The following RANBP2 variants were observed in gnomAD, a reference collection of about 807,000 sequenced individuals.
The protein encoded by RANBP2 is E3 SUMO-protein ligase RanBP2.
In RANBP2, 57 loss-of-function variants were observed where a neutral mutation model predicts 303.6. The observed-to-expected ratio is 0.19, with a 90% CI of 0.15 to 0.23. The LOEUF is 0.23. Among genes scored for constraint, RANBP2 ranks in the 10% least tolerant of loss-of-function variants. The pLI, the probability that RANBP2 is intolerant of heterozygous loss-of-function variation, is 1.00. For synonymous variants in RANBP2, 1,167 were observed against 1,301.5 expected, an observed-to-expected ratio of 0.90 and a Z score of 2.23; for missense variants, 3,138 against 3,780.8, an observed-to-expected ratio of 0.83 and a Z score of 4.46.
chr2:108,889,793 T>C, the RANBP2 span, among the ~76,000 whole-genome samples: 1 of 152,204 alleles, frequency 6.6e-6, no homozygotes, highest in East Asian at 1.9e-4. Context: ...TTCACAGTTA[T>C]TGATATGTGA....
chr2:108,976,056 A>C, the RANBP2 span, among the ~76,000 whole-genome samples: 56 of 152,206 alleles, frequency 3.7e-4, no homozygotes, highest in Non-Finnish European at 2.4e-4. Context: ...CTGATGAACA[A>C]ATACTGGTGC....
chr2:109,171,799 G>A, the RANBP2 span, among the ~76,000 whole-genome samples: 3 of 152,358 alleles, frequency 2.0e-5, no homozygotes, highest in Non-Finnish European at 2.9e-5. Context: ...CACTTGCAGC[G>A]GGGAGTGGCT....
the RANBP2 span, among the ~76,000 whole-genome samples, chr2:109,003,444 C>G: frequency 6.6e-6 from 1 of 150,684 alleles, no homozygotes; most frequent in Non-Finnish European, 1.5e-5. Flanking sequence ...GAGTTTCTCT[C>G]TTGTTGCCCA....
the RANBP2 span, among the ~76,000 whole-genome samples, chr2:108,807,287 A>G: frequency 6.6e-6 from 1 of 152,346 alleles, no homozygotes; most frequent in Non-Finnish European, 1.5e-5. Context: ...TTTTGCCTAT[A>G]TAATAAGTCT....
the RANBP2 span, among the ~76,000 whole-genome samples, chr2:109,012,705 G>C: frequency 6.6e-6 from 1 of 152,186 alleles, no homozygotes; most frequent in Non-Finnish European, 1.5e-5. Flanking sequence ...ACGAGGTCAG[G>C]AGATCGAGAC....
At chr2:109,364,086 C>G in the RANBP2 span, among the ~76,000 whole-genome samples, 3 of 151,600 alleles carry the variant, frequency 2.0e-5, no homozygotes, top group African/African-American at 4.8e-5. Flanking sequence ...TCTAGTATTC[C>G]CATTACATAT....
the RANBP2 span, among the ~76,000 whole-genome samples, chr2:109,332,881 A>G: frequency 1.3e-5 from 2 of 152,256 alleles, no homozygotes; most frequent in Non-Finnish European, 2.9e-5. Context: ...GCCTTATAGA[A>G]TAAATGGTCA....
chr2:109,094,730 T>A, the RANBP2 span, among the ~76,000 whole-genome samples: 8 of 152,088 alleles, frequency 5.3e-5, no homozygotes, highest in Non-Finnish European at 1.2e-4. Context: ...TTCAGGAGGC[T>A]GAGGCAGGAG....
chr2:109,148,556 C>T, the RANBP2 span, among the ~76,000 whole-genome samples: 1 of 152,176 alleles, frequency 6.6e-6, no homozygotes, highest in Non-Finnish European at 1.5e-5. Flanking sequence ...TGACTGGTGC[C>T]ATTTTGATGA....
chr2:109,188,226 T>C, the RANBP2 span, among the ~76,000 whole-genome samples: 80 of 152,362 alleles, frequency 5.3e-4, 1 homozygote, highest in African/African-American at 1.8e-3. Context: ...CTTTGCCATG[T>C]AGCAGGGGTG....
chr2:108,912,614 C>T, the RANBP2 span: 1 of 1,446,178 alleles, frequency 6.9e-7, no homozygotes, highest in Non-Finnish European at 9.5e-7. Flanking sequence ...TTCCTCTCCT[C>T]TTCTGAGCTT....
At chr2:109,397,090 T>G in the RANBP2 span, among the ~76,000 whole-genome samples, 1 of 152,112 alleles carries the variant, frequency 6.6e-6, no homozygotes, top group African/African-American at 2.4e-5. Flanking sequence ...AGCCCAGTTG[T>G]GCTGCTGCAG....
At chr2:109,545,800 T>C in the RANBP2 span, 1 of 1,425,084 alleles carries the variant, frequency 7.0e-7, no homozygotes, top group Non-Finnish European at 9.1e-7. Context: ...CACTGTGATG[T>C]ATTTTTATTT....
the RANBP2 span, among the ~76,000 whole-genome samples, chr2:109,675,553 G>A: frequency 5.3e-5 from 8 of 152,046 alleles, no homozygotes; most frequent in Admixed American, 5.2e-4. Flanking sequence ...GTGGTAGCAG[G>A]CGCCTGTAAT....
the RANBP2 span, among the ~76,000 whole-genome samples, chr2:109,204,341 A>G: frequency 6.6e-6 from 1 of 152,220 alleles, no homozygotes; most frequent in Non-Finnish European, 1.5e-5. Flanking sequence ...ATCTCACCTA[A>G]GAGAGTTAGC....
At chr2:109,015,728 AGCTTGGGCGACAGAG>A in the RANBP2 span, among the ~76,000 whole-genome samples, 42 of 152,322 alleles carry the variant, frequency 2.8e-4, no homozygotes, top group East Asian at 7.7e-3. Context: ...ACTGTACTCC[AGCTTGGGCGACAGAG>A]CAAGACTCTG....
chr2:109,709,867 C>T, the RANBP2 span, among the ~76,000 whole-genome samples: 1 of 152,212 alleles, frequency 6.6e-6, no homozygotes, highest in South Asian at 2.1e-4. Flanking sequence ...GAGGGCAGAT[C>T]ACCTGAGGTC....
At chr2:109,360,805 T>C in the RANBP2 span, among the ~76,000 whole-genome samples, 1 of 152,248 alleles carries the variant, frequency 6.6e-6, no homozygotes, top group Non-Finnish European at 1.5e-5. Context: ...TGTACACTTT[T>C]AATTTCCTTT....
At chr2:108,853,991 A>G in the RANBP2 span, among the ~76,000 whole-genome samples, 1 of 10,178 alleles carries the variant, frequency 9.8e-5, no homozygotes, top group African/African-American at 1.7e-4. Flanking sequence ...ATAATATATA[A>G]TAAATTTATA....
Sources: gnomAD v4.1 joint callset for allele counts (sites outside exome capture counted in the v4.1 genomes callset) on GRCh38, gnomAD v4.1.1 for gene constraint, MANE v1.5 for transcripts, NCBI Gene and HGNC (gene_info 2026-07-23, HGNC 2026-07-21) for gene names.